The following ITPKA variants were observed in gnomAD, a reference collection of about 807,000 sequenced individuals.
ITPKA encodes the protein inositol-trisphosphate 3-kinase A.
ITPKA carries 16 observed loss-of-function variants against 40.7 expected under a neutral mutation model. The observed-to-expected ratio is 0.39, with a 90% confidence interval of 0.27 to 0.60. ITPKA has a LOEUF of 0.60. ITPKA is among the 20% of genes least tolerant of loss of function. ITPKA has a pLI of 0.50. For missense variants in ITPKA, 540 were observed against 649.3 expected (o/e 0.83, Z 1.83); for synonymous variants, 313 against 289.9 (o/e 1.08, Z -0.81).
Position 41,503,240 on chromosome 15 carries a change from G to A in ITPKA, c.*74G>A. 8.7e-7 allele frequency: 1 copy of A among 1,147,808 alleles called. No individual in the cohort carries two copies. The allele number at this position is 1,147,808 out of a possible 1,614,324, so 71.1% of individuals were successfully genotyped here. On this transcript the variant is annotated 3_prime_UTR_variant, in exon 7 of 7. Coordinates refer to ENST00000260386, the MANE Select transcript of ITPKA (RefSeq NM_002220.3). ...AGCTTTGTCCCCACTGTGCATGCCG[G>A]CTTGAGACTGGAGCCCCGCGGTGCA...
In ITPKA at chr15:41,494,758, C is replaced by G. The variant is rs1167212274; in HGVS notation, c.489+342C>G. ...AGGGATCGGAGGGGCTGAGCCTTGC[C>G]GGGTGAACCCTCGGAAGGAGAGAGG... On this transcript the variant is annotated intron_variant, in intron 1 of 6. Transcript: ENST00000260386. The surrounding 1 kb of genome is among the most constrained non-coding windows in gnomAD (Gnocchi z 7.8). Among the ~76,000 whole-genome samples the G allele has an allele frequency of 6.6e-6, 1 of 152,204 alleles. No individual in the cohort carries two copies. Among genetic ancestry groups the G allele is most frequent in the African/African-American group, 2.4e-5 (1 of 41,458 alleles).
At chr15:41,502,592 C>A (rs2051125189) in intron 5 of ITPKA, 89 bp downstream of exon 5, 1 of 954,660 alleles carries the variant, frequency 1.0e-6, no homozygotes, top group Non-Finnish European at 1.7e-6. Flanking sequence ...TCGGCTGTGT[C>A]CCCACCATGG....
rs1344536851 is a variant in ITPKA at position 41,502,878 on chromosome 15, G to A, written c.1182+19G>A. The A allele has an allele frequency of 1.9e-6, 3 of 1,610,458 alleles. No homozygotes were observed. Among genetic ancestry groups the A allele is most frequent in the African/African-American group, 1.3e-5 (1 of 74,874 alleles). ...GCACGAGGTAAGCGGCGGCTGCCCG[G>A]GTGCCCGGGCCGCGAGGGCTAGGGC... On this transcript the variant is annotated intron_variant, in intron 6 of 6. Transcript: ENST00000260386.
intron 2 of ITPKA, 36 bp downstream of exon 2, chr15:41,501,595 G>T: frequency 6.3e-7 from 1 of 1,577,316 alleles, no homozygotes; most frequent in South Asian, 1.2e-5. Flanking sequence ...TGCCCGCGAC[G>T]GGAAGGGGCT....
chr15:41,497,116 G>A (rs950498665), intron 1 of ITPKA, among the ~76,000 whole-genome samples: 13 of 152,204 alleles, frequency 8.5e-5, no homozygotes, highest in Admixed American at 6.5e-5. Flanking sequence ...GCCAAGCCCT[G>A]CCCAGAGAGA....
In ITPKA at chr15:41,502,258, C is replaced by T. The variant is rs539561319; in HGVS notation, c.1008+57C>T. On this transcript the variant is annotated intron_variant, in intron 4 of 6. Transcript: ENST00000260386. ...CAGCCCCACTGCGCGCTGTCTTTCC[C>T]GATCCCCCGCTCCCGCCCCGCCTGC... 13 of 1,507,538 alleles carry T rather than the reference C, an allele frequency of 8.6e-6. No individual in the cohort carries two copies. In the South Asian group the frequency reaches 1.6e-4, roughly 18 times the overall value. 93.4% of individuals were successfully genotyped at this position (1,507,538 alleles called of 1,614,324 possible).
At position 41,501,525 on chromosome 15, in the gene ITPKA, G is replaced by C; in HGVS notation, c.552G>C (p.Lys184Asn). ...TGCCGGTCATAAGCCCTTTCAAGAAGCGCTACGCCTGGGTGCAGCTGGCAG... is the reference window on the plus strand; with the variant it reads ...TGCCGGTCATAAGCCCTTTCAAGAACCGCTACGCCTGGGTGCAGCTGGCAG... ...VNLPVISPFK[K>N]RYAWVQLAGH... The change falls in exon 2 of 7, where the codon AAG becomes AAC. Residue 184 changes from lysine (K) to asparagine (N), a missense_variant. Transcript: ENST00000260386. 6.2e-7 allele frequency: 1 copy of C among 1,609,450 alleles called. No individual in the cohort carries two copies. The highest frequency in any genetic ancestry group is 1.1e-5 in the South Asian group (1 of 90,446).
chr15:41,502,882 C>CCCGG (rs762990443), intron 6 of ITPKA, 23 bp downstream of exon 6: 1 of 1,609,692 alleles, frequency 6.2e-7, no homozygotes, highest in Non-Finnish European at 8.5e-7. Context: ...TGCCCGGGTG[C>CCCGG]CCGGGCCGCG....
At chr15:41,495,679 C>CG (rs952236105) in intron 1 of ITPKA, among the ~76,000 whole-genome samples, 51 of 152,302 alleles carry the variant, frequency 3.3e-4, no homozygotes, top group African/African-American at 1.2e-3. Context: ...TTGCCTAGGT[C>CG]GGGGGGCGGA....
At chr15:41,501,898 G>T in intron 3 of ITPKA, 47 bp downstream of exon 3, 1 of 1,596,716 alleles carries the variant, frequency 6.3e-7, no homozygotes, top group Non-Finnish European at 8.6e-7. Context: ...GTAGGGGTCC[G>T]GGGCCGGGAC....
rs1030563708 is a variant in ITPKA at position 41,503,449 on chromosome 15, C to T, written c.*283C>T. The T allele has an allele frequency of 1.6e-6, 1 of 620,966 alleles. No homozygotes were observed. The highest frequency in any genetic ancestry group is 3.0e-6 in the Non-Finnish European group (1 of 333,656). 38.5% of individuals were successfully genotyped at this position (620,966 alleles called of 1,614,324 possible). A position where few individuals can be genotyped will look rare whatever the true frequency, so the allele number is the denominator to read the frequency against. On this transcript the variant is annotated 3_prime_UTR_variant, in exon 7 of 7. Transcript: ENST00000260386. ...TCTTCTGAGGAGGCTCTGCCCTCTCCAGAGGTGCCAGACCGCGGATTTTAT... is the reference window on the plus strand; with the variant it reads ...TCTTCTGAGGAGGCTCTGCCCTCTCTAGAGGTGCCAGACCGCGGATTTTAT...
intron 1 of ITPKA, among the ~76,000 whole-genome samples, chr15:41,499,221 G>A (rs1242305345): frequency 6.6e-6 from 1 of 152,182 alleles, no homozygotes; most frequent in Non-Finnish European, 1.5e-5. Flanking sequence ...TTTAAAAGGA[G>A]TTTTGAAAGT....
chr15:41,501,210 G>A (rs1291826700), intron 1 of ITPKA: 1 of 572,250 alleles, frequency 1.7e-6, no homozygotes, highest in Non-Finnish European at 2.2e-6. Context: ...CGCAAACCGG[G>A]GGCTTCAGAT....
chr15:41,494,438 C>T lies in ITPKA; in HGVS notation c.489+22C>T. ...TCAGGTACGGGCCGCGGGGGCGGGG[C>T]CAGCGCCGGGCGCGGGGGCTGCACG... is the stretch of plus-strand genomic sequence containing the variant. On this transcript the variant is annotated intron_variant, in intron 1 of 6. Transcript: ENST00000260386. This position sits in a 1 kb window ranked among gnomAD's most constrained non-coding sequence, Gnocchi z 7.8. The T allele has an allele frequency of 1.4e-6, 2 of 1,389,042 alleles. No homozygotes were observed. The highest frequency in any genetic ancestry group is 1.6e-5 in the South Asian group (1 of 64,372). The allele number at this position is 1,389,042 out of a possible 1,614,324, so 86.0% of individuals were successfully genotyped here.
chr15:41,497,851 C>G (rs1402230016), intron 1 of ITPKA, among the ~76,000 whole-genome samples: 1 of 151,892 alleles, frequency 6.6e-6, no homozygotes, highest in Non-Finnish European at 1.5e-5. Flanking sequence ...AAAATCCTGT[C>G]TCTACTAAAA....
At chr15:41,502,746 G>A (rs772020993) in intron 5 of ITPKA, 42 bp from the exon 6 acceptor site, 56 of 1,535,800 alleles carry the variant, frequency 3.6e-5, no homozygotes, top group Non-Finnish European at 5.0e-5. Context: ...CTCATTTGGC[G>A]TTTAGTTAAT....
rs2051051917 is a variant in ITPKA at position 41,494,022 on chromosome 15, G to A, written c.95G>A (p.Gly32Glu). 8.4e-7 allele frequency: 1 copy of A among 1,194,082 alleles called. No homozygotes were observed. Among genetic ancestry groups the A allele is most frequent in the Non-Finnish European group, 1.0e-6 (1 of 964,462 alleles). 74.0% of individuals were successfully genotyped at this position (1,194,082 alleles called of 1,614,324 possible). The change falls in exon 1 of 7, where the codon GGG becomes GAG. Residue 32 changes from glycine to glutamate, a missense_variant. By Grantham distance (98) the Gly-to-Glu change is moderately conservative. Coordinates refer to ENST00000260386, the MANE Select transcript of ITPKA (RefSeq NM_002220.3). This position sits in a 1 kb window ranked among gnomAD's most constrained non-coding sequence, Gnocchi z 7.8. ...GLERAPRRSV[G>E]ELRLLFEARC... The stretch of plus-strand genomic sequence containing the variant: ...GAGCGGGCCCCGCGCCGGAGTGTCG[G>A]GGAGCTGCGCCTGCTCTTCGAGGCG...
chr15:41,500,861 T>G (rs575582336), intron 1 of ITPKA, among the ~76,000 whole-genome samples: 3 of 151,746 alleles, frequency 2.0e-5, no homozygotes, highest in African/African-American at 7.3e-5. Context: ...TACAAAAAAT[T>G]AGCCGGGCAT....
intron 1 of ITPKA, among the ~76,000 whole-genome samples, chr15:41,495,293 ACT>A (rs2051062887): frequency 6.6e-6 from 1 of 152,174 alleles, no homozygotes; most frequent in African/African-American, 2.4e-5. Context: ...AGCGCGAAGG[ACT>A]TTCTTTAGAT....
Sources: gnomAD v4.1 joint callset for allele counts (sites outside exome capture counted in the v4.1 genomes callset) on GRCh38, gnomAD v4.1.1 for gene constraint, Gnocchi (gnomAD v3.1) non-coding constraint, MANE v1.5 for transcripts, NCBI Gene and HGNC (gene_info 2026-07-23, HGNC 2026-07-21) for gene names.